Variants in MB21D2 observed in about 807,000 individuals in gnomAD.
The protein encoded by MB21D2 is Mab-21 domain containing 2, also known as nucleotidyltransferase MB21D2.
A neutral mutation model predicts 33.3 loss-of-function variants in MB21D2; 9 were observed. That is an observed-to-expected ratio of 0.27 (90% CI 0.16 to 0.47). The LOEUF (loss-of-function observed/expected upper bound fraction) is 0.47. Ranked by LOEUF, MB21D2 falls within the 20% of genes least tolerant of loss-of-function variation. The pLI, the probability that MB21D2 is intolerant of heterozygous loss-of-function variation, is 0.99. For synonymous variants in MB21D2, 241 were observed against 236.3 expected, an observed-to-expected ratio of 1.02 and a Z score of -0.18; for missense variants, 540 against 624.6, an observed-to-expected ratio of 0.86 and a Z score of 1.44.
intron 1 of MB21D2, among the ~76,000 whole-genome samples, chr3:192,880,827 G>T (rs1298445368): frequency 1.3e-5 from 2 of 152,062 alleles, no homozygotes; most frequent in African/African-American, 4.8e-5. Flanking sequence ...ATGTTACTGG[G>T]AATTTACTAA....
At chr3:192,808,949 A>G (rs1445555543) in intron 1 of MB21D2, among the ~76,000 whole-genome samples, 8 of 152,016 alleles carry the variant, frequency 5.3e-5, no homozygotes, top group Non-Finnish European at 1.2e-4. Flanking sequence ...TTTATAGTAC[A>G]CATTTGAAGT....
At chr3:192,884,655 T>TCGCAC (rs1560250068) in intron 1 of MB21D2, among the ~76,000 whole-genome samples, 1 of 151,890 alleles carries the variant, frequency 6.6e-6, no homozygotes, top group Admixed American at 6.5e-5. Flanking sequence ...GCGTGAGCCA[T>TCGCAC]CGCACCCGGC....
At chr3:192,813,175 T>C (rs1385127949) in intron 1 of MB21D2, among the ~76,000 whole-genome samples, 1 of 152,176 alleles carries the variant, frequency 6.6e-6, no homozygotes, top group African/African-American at 2.4e-5. Context: ...GAAGGGATCA[T>C]CTAGGTTGAG....
intron 1 of MB21D2, among the ~76,000 whole-genome samples, chr3:192,867,205 G>A (rs554603484): frequency 6.6e-6 from 1 of 152,124 alleles, no homozygotes; most frequent in South Asian, 2.1e-4. Context: ...TCAGCCCCTT[G>A]TACCCCGACC....
At chr3:192,901,928 T>A (rs1714113263) in intron 1 of MB21D2, among the ~76,000 whole-genome samples, 1 of 152,190 alleles carries the variant, frequency 6.6e-6, no homozygotes, top group Non-Finnish European at 1.5e-5. Context: ...AAAGCCTGCA[T>A]CTTCGTAAGG....
chr3:192,862,862 C>T (rs1196929319), intron 1 of MB21D2, among the ~76,000 whole-genome samples: 1 of 152,204 alleles, frequency 6.6e-6, no homozygotes, highest in Non-Finnish European at 1.5e-5. Flanking sequence ...AGTCAAGGCA[C>T]TGGCAGATTC....
At chr3:192,808,472 A>G (rs112512817) in intron 1 of MB21D2, among the ~76,000 whole-genome samples, 10 of 152,356 alleles carry the variant, frequency 6.6e-5, no homozygotes, top group African/African-American at 2.2e-4. Flanking sequence ...ATTTGCCTAC[A>G]TGGTTTCACT....
chr3:192,888,934 C>A (rs1440141231), intron 1 of MB21D2, among the ~76,000 whole-genome samples: 1 of 151,894 alleles, frequency 6.6e-6, no homozygotes, highest in Non-Finnish European at 1.5e-5. Context: ...TGCAGTGGTG[C>A]GATCTGGACT....
Position 192,917,837 on chromosome 3 carries a change from T to G in MB21D2, c.4A>C (p.Lys2Gln). M[K>Q]MAAPTANKAA... ...TTGTTGGCGGTGGGAGCCGCCATCT[T>G]CATGCAAAACGCGCCGAGTAGCAGC... Residue 2 changes from lysine to glutamine, a missense_variant, in exon 1 of 2, where the codon AAG (lysine) becomes CAG (glutamine). By Grantham distance (53) the Lys-to-Gln change is moderately conservative. Coordinates refer to ENST00000392452, the MANE Select transcript of MB21D2 (RefSeq NM_178496.4). 1 of 1,607,892 alleles carries G rather than the reference T, an allele frequency of 6.2e-7. No individual in the cohort carries two copies. Among genetic ancestry groups the G allele is most frequent in the South Asian group, 1.1e-5 (1 of 90,832 alleles).
At chr3:192,903,342 C>G (rs1714142931) in intron 1 of MB21D2, among the ~76,000 whole-genome samples, 1 of 152,168 alleles carries the variant, frequency 6.6e-6, no homozygotes, top group South Asian at 2.1e-4. Flanking sequence ...GTTTCCATGT[C>G]TATAAAACGG....
chr3:192,874,339 A>G (rs1476614988), intron 1 of MB21D2, among the ~76,000 whole-genome samples: 6 of 152,240 alleles, frequency 3.9e-5, no homozygotes, highest in Non-Finnish European at 8.8e-5. Context: ...AACCATAGCT[A>G]GAATCAAGGT....
chr3:192,835,101 C>T (rs1712405018), intron 1 of MB21D2, among the ~76,000 whole-genome samples: 1 of 147,048 alleles, frequency 6.8e-6, no homozygotes, highest in Non-Finnish European at 1.5e-5. Flanking sequence ...AGCCACCACG[C>T]CTGGCCGATT....
rs556759346 is a variant in MB21D2 at position 192,893,009 on chromosome 3, G to A, written c.211+24621C>T. Reference sequence around the variant, plus strand: ...TTTTGGTGTCCTACTTAATTTGCACGACAATATTTGGCTTCCACAGTCAAT... The same window carrying A: ...TTTTGGTGTCCTACTTAATTTGCACAACAATATTTGGCTTCCACAGTCAAT... On this transcript the variant is annotated intron_variant, in intron 1 of 1. Transcript: ENST00000392452. 4.6e-5 allele frequency among the ~76,000 whole-genome samples: 7 copies of A among 152,238 alleles called. No homozygotes were observed. In the East Asian group the frequency reaches 1.2e-3, roughly 25 times the overall value.
intron 1 of MB21D2, among the ~76,000 whole-genome samples, chr3:192,828,657 T>G (rs1261016985): frequency 5.3e-5 from 3 of 57,122 alleles, no homozygotes; most frequent in Non-Finnish European, 6.4e-5. Context: ...TATATATATA[T>G]ATATATTTTG....
intron 1 of MB21D2, among the ~76,000 whole-genome samples, chr3:192,811,001 CCAGCCCCTCTCCT>C (rs1711777616): frequency 6.6e-6 from 1 of 152,206 alleles, no homozygotes; most frequent in Non-Finnish European, 1.5e-5. Flanking sequence ...CGAGATGTTC[CCAGCCCCTCTCCT>C]CAAGTGCCAG....
intron 1 of MB21D2, among the ~76,000 whole-genome samples, chr3:192,830,129 G>A (rs1712280473): frequency 6.6e-6 from 1 of 152,060 alleles, no homozygotes; most frequent in Non-Finnish European, 1.5e-5. Flanking sequence ...AAGGATTACA[G>A]TTGTAAGCCA....
intron 1 of MB21D2, among the ~76,000 whole-genome samples, chr3:192,860,166 T>C (rs757476786): frequency 1.3e-5 from 2 of 151,972 alleles, no homozygotes; most frequent in Non-Finnish European, 2.9e-5. Flanking sequence ...CATGGCCGAG[T>C]AGTTTTCTGA....
chr3:192,801,698 C>T (rs1560224628), intron 1 of MB21D2, among the ~76,000 whole-genome samples: 2 of 152,208 alleles, frequency 1.3e-5, no homozygotes, highest in South Asian at 4.1e-4. Flanking sequence ...GCACCTTGAT[C>T]TTGGCTTTCT....
At chr3:192,903,768 G>A (rs57755774) in intron 1 of MB21D2, among the ~76,000 whole-genome samples, 8,580 of 152,276 alleles carry the variant, frequency 0.056, 755 homozygotes, top group African/African-American at 0.19. Flanking sequence ...CATCCCCCTG[G>A]TGACAAGCAA....
Sources: gnomAD v4.1 joint callset for allele counts (sites outside exome capture counted in the v4.1 genomes callset) on GRCh38, gnomAD v4.1.1 for gene constraint, MANE v1.5 for transcripts, NCBI Gene and HGNC (gene_info 2026-07-23, HGNC 2026-07-21) for gene names.